The following CSMD1 variants were observed in gnomAD, a reference collection of about 807,000 sequenced individuals.
CSMD1 encodes CUB and sushi domain-containing protein 1.
Under a neutral mutation model 417.5 loss-of-function variants are expected in CSMD1, and 213 were observed. The observed-to-expected ratio is 0.51, with a 90% CI of 0.46 to 0.57. The LOEUF (loss-of-function observed/expected upper bound fraction) is 0.57, where lower values mean the gene tolerates loss of function less well. Among genes scored for constraint, CSMD1 ranks in the 20% least tolerant of loss-of-function variants. The pLI is 0.00. For synonymous variants in CSMD1, 2,862 were observed against 1,736.8 expected, an observed-to-expected ratio of 1.65 and a Z score of -16.11; for missense variants, 6,923 against 4,529.7, an observed-to-expected ratio of 1.53 and a Z score of -15.17.
intron 1 of CSMD1, among the ~76,000 whole-genome samples, chr8:4,936,306 T>C (rs993206143): frequency 6.6e-6 from 1 of 152,186 alleles, no homozygotes; most frequent in Non-Finnish European, 1.5e-5. Flanking sequence ...GTGCATGGGA[T>C]TGTGAATAAA....
rs577305292 is a variant in CSMD1, at chr8:3,574,957, G to A, written c.1332C>T (p.Thr444=). The A allele has an allele frequency of 1.4e-4, 233 of 1,612,310 alleles. No individual in the cohort carries two copies. The East Asian group carries it at 5.0e-3, about 35-fold the overall frequency. ...GGCGGAGCCTTACCTTGTCCGGGTC[G>A]GTGGTGGTGATGACCCACACACAGT... ...NAHCVWVITT[T]DPDKVIKLAF... is the part of the protein sequence containing the mutation. The change falls in exon 10 of 70, where the codon ACC becomes ACT. Residue 444 remains threonine (T), a synonymous_variant. Coordinates refer to ENST00000635120, the MANE Select transcript of CSMD1 (RefSeq NM_033225.6).
chr8:4,356,328 A>C (rs993397776), intron 3 of CSMD1, among the ~76,000 whole-genome samples: 2 of 116,898 alleles, frequency 1.7e-5, no homozygotes, highest in Non-Finnish European at 3.7e-5. Context: ...ATCATATGTA[A>C]TACACACACA....
At chr8:3,106,758 A>G in intron 45 of CSMD1, 117 bp from the exon 46 acceptor site, 1 of 547,232 alleles carries the variant, frequency 1.8e-6, no homozygotes, top group East Asian at 3.0e-5. Context: ...CTTTTTAGAA[A>G]CTATGTCTGT....
chr8:3,404,248 C>G (rs1366963689), intron 15 of CSMD1, among the ~76,000 whole-genome samples: 4 of 151,452 alleles, frequency 2.6e-5, no homozygotes, highest in Admixed American at 6.6e-5. Flanking sequence ...GGCAGAAGAA[C>G]TGCTTGAATC....
intron 1 of CSMD1, among the ~76,000 whole-genome samples, chr8:4,936,535 A>G (rs1807634289): frequency 1.3e-5 from 2 of 152,216 alleles, no homozygotes; most frequent in South Asian, 2.1e-4. Context: ...ACCTTCGTGA[A>G]TAAATGTTTG....
chr8:4,039,580 T>G (rs761712868), intron 3 of CSMD1, among the ~76,000 whole-genome samples: 1 of 152,178 alleles, frequency 6.6e-6, no homozygotes, highest in Non-Finnish European at 1.5e-5. Flanking sequence ...ATTGAATGCC[T>G]TCTACTTTCA....
chr8:4,428,402 T>G (rs1191403573), intron 2 of CSMD1, among the ~76,000 whole-genome samples: 1 of 152,214 alleles, frequency 6.6e-6, no homozygotes, highest in East Asian at 1.9e-4. Flanking sequence ...AAGCTGTAGT[T>G]CAATAGGAAT....
At chr8:3,612,427 G>C (rs983222360) in intron 8 of CSMD1, among the ~76,000 whole-genome samples, 3 of 152,066 alleles carry the variant, frequency 2.0e-5, no homozygotes, top group South Asian at 2.1e-4. Flanking sequence ...GGATCACAAA[G>C]CCTTGAACAA....
At position 3,142,588 on chromosome 8, in the gene CSMD1, T is replaced by C; in HGVS notation, c.6118A>G (p.Met2040Val). The C allele has an allele frequency of 1.2e-6, 2 of 1,614,006 alleles. No individual in the cohort carries two copies. The highest frequency in any genetic ancestry group is 1.6e-4 in the Middle Eastern group (1 of 6,062). Residue 2040 changes from methionine (M) to valine (V), a missense_variant, in exon 41 of 70, where the codon ATG (methionine) becomes GTG (valine). Physicochemically the swap from Met to Val is conservative, Grantham distance 21. Transcript: ENST00000635120. ...IQNGPYHTSP[M>V]IGQFSGTDLP... ...TCCGTGCCGCTAAATTGTCCAATCATGGGGCTGGTGTGGTAAGGTCCATTT... is the reference window on the plus strand; with the variant it reads ...TCCGTGCCGCTAAATTGTCCAATCACGGGGCTGGTGTGGTAAGGTCCATTT...
At chr8:2,955,305 A>T (rs1322332566) in intron 64 of CSMD1, among the ~76,000 whole-genome samples, 3 of 152,192 alleles carry the variant, frequency 2.0e-5, no homozygotes, top group Non-Finnish European at 4.4e-5. Flanking sequence ...TCTTTAACCA[A>T]ATAGCTTTTC....
At chr8:3,387,717 C>T in intron 17 of CSMD1, 35 bp from the exon 18 acceptor site, 4 of 1,535,190 alleles carry the variant, frequency 2.6e-6, no homozygotes, top group Non-Finnish European at 3.5e-6. Flanking sequence ...CGATGAGGAT[C>T]TTTCTGGTTG....
At chr8:3,901,877 G>A (rs1807778121) in intron 5 of CSMD1, among the ~76,000 whole-genome samples, 1 of 152,166 alleles carries the variant, frequency 6.6e-6, no homozygotes, top group Non-Finnish European at 1.5e-5. Context: ...CTTCTCTAGT[G>A]CTTTTCCCAT....
chr8:4,557,391 G>A (rs1798142948), intron 2 of CSMD1, among the ~76,000 whole-genome samples: 1 of 150,500 alleles, frequency 6.6e-6, no homozygotes, highest in Non-Finnish European at 1.5e-5. Context: ...CATTATCTAA[G>A]AATTCACAGC....
At chr8:4,489,248 C>G (rs182751253) in intron 2 of CSMD1, among the ~76,000 whole-genome samples, 25 of 152,158 alleles carry the variant, frequency 1.6e-4, no homozygotes, top group Non-Finnish European at 3.1e-4. Context: ...ACTTAAGGTG[C>G]CCTCCTTTTT....
At chr8:3,819,474 G>A (rs17067655) in intron 5 of CSMD1, among the ~76,000 whole-genome samples, 6,859 of 151,696 alleles carry the variant, frequency 0.045, 530 homozygotes, top group African/African-American at 0.15. Flanking sequence ...TTCAATCGTC[G>A]GTGGCACTGC....
At chr8:4,984,296 C>G (rs1451809448) in intron 1 of CSMD1, among the ~76,000 whole-genome samples, 1 of 152,126 alleles carries the variant, frequency 6.6e-6, no homozygotes, top group African/African-American at 2.4e-5. Context: ...ACATATGACC[C>G]CTTGGCTGCA....
At chr8:2,969,520 G>T (rs904311634) in intron 57 of CSMD1, among the ~76,000 whole-genome samples, 2 of 152,122 alleles carry the variant, frequency 1.3e-5, no homozygotes, top group Non-Finnish European at 2.9e-5. Context: ...TTTTCGTTTA[G>T]AATTATAATT....
intron 1 of CSMD1, among the ~76,000 whole-genome samples, chr8:4,985,344 T>C (rs1219145005): frequency 1.4e-5 from 2 of 144,926 alleles, no homozygotes. Context: ...AAACTTCATA[T>C]CCTGCACATC....
chr8:3,238,950 A>C (rs1799322338), intron 26 of CSMD1, among the ~76,000 whole-genome samples: 1 of 152,124 alleles, frequency 6.6e-6, no homozygotes, highest in Non-Finnish European at 1.5e-5. Flanking sequence ...GTATGACTAG[A>C]CAGAAGATAG....
Sources: gnomAD v4.1 joint callset for allele counts (sites outside exome capture counted in the v4.1 genomes callset) on GRCh38, gnomAD v4.1.1 for gene constraint, MANE v1.5 for transcripts, NCBI Gene and HGNC (gene_info 2026-07-23, HGNC 2026-07-21) for gene names.